MAEL: variants seen among roughly 807,000 people sequenced by gnomAD.
MAEL encodes the protein maelstrom spermatogenic transposon silencer, also known as protein maelstrom homolog.
Under a neutral mutation model 62.0 loss-of-function variants are expected in MAEL, and 46 were observed. The observed-to-expected ratio is 0.74, with a 90% CI of 0.59 to 0.95. MAEL has a LOEUF of 0.95. Among genes scored for constraint, MAEL ranks in the 40% least tolerant of loss-of-function variants. The pLI is 0.00. For missense variants in MAEL, 497 were observed against 526.8 expected, an observed-to-expected ratio of 0.94 and a Z score of 0.55; for synonymous variants, 172 against 175.5, an observed-to-expected ratio of 0.98 and a Z score of 0.16.
At chr1:166,981,880 GA>G (rs1663769675) in intron 1 of MAEL, among the ~76,000 whole-genome samples, 1 of 152,188 alleles carries the variant, frequency 6.6e-6, no homozygotes, top group African/African-American at 2.4e-5. Context: ...CCATCCATGA[GA>G]ATTTCTAAGT....
At chr1:166,980,043 G>T (rs1253726903) in intron 1 of MAEL, among the ~76,000 whole-genome samples, 1 of 151,940 alleles carries the variant, frequency 6.6e-6, no homozygotes, top group African/African-American at 2.4e-5. Flanking sequence ...TAGAGACAGG[G>T]TCTGACTCTG....
At chr1:166,979,406 C>T (rs1441982318) in intron 1 of MAEL, among the ~76,000 whole-genome samples, 2 of 150,530 alleles carry the variant, frequency 1.3e-5, no homozygotes, top group Non-Finnish European at 3.0e-5. Context: ...AAAACTGGAA[C>T]CCAGAAAACC....
chr1:166,979,047 G>A (rs1006819345), intron 1 of MAEL, among the ~76,000 whole-genome samples: 1 of 152,158 alleles, frequency 6.6e-6, no homozygotes, highest in African/African-American at 2.4e-5. Context: ...ACTGGTAGCT[G>A]GTAGCAACCA....
chr1:167,016,413 G>T (rs1436508838), intron 9 of MAEL, 129 bp downstream of exon 9: 3 of 793,944 alleles, frequency 3.8e-6, no homozygotes, highest in African/African-American at 1.7e-5. Context: ...AACAAAGGGG[G>T]TCAAATCAAA....
In MAEL at chr1:167,004,179, G is replaced by A. The variant is rs1206924965; in HGVS notation, c.524-1G>A. On this transcript the variant is annotated splice_acceptor_variant, in intron 5 of 11. Coordinates refer to ENST00000367872, the MANE Select transcript of MAEL (RefSeq NM_032858.3). LOFTEE classifies it high-confidence loss of function. ...GAACTTCTCCTTTTTATTTCCCTCA[G>A]GTGATTCTAGTCACAAGATTCCTAT... The A allele has an allele frequency of 2.5e-6, 4 of 1,604,592 alleles. No individual in the cohort carries two copies. Among genetic ancestry groups the A allele is most frequent in the Non-Finnish European group, 2.6e-6 (3 of 1,176,374 alleles).
chr1:166,997,495 CTCTT>C (rs1319540300), intron 5 of MAEL, among the ~76,000 whole-genome samples: 4 of 152,050 alleles, frequency 2.6e-5, no homozygotes, highest in Non-Finnish European at 5.9e-5. Context: ...ATTTTTTACT[CTCTT>C]TATGGTGTCT....
chr1:166,975,687 G>C (rs1663550698), intron 1 of MAEL: 1 of 151,946 alleles, frequency 6.6e-6, no homozygotes, highest in Non-Finnish European at 1.5e-5. Context: ...AGTGATTGAG[G>C]CCACGCGGAG....
At chr1:166,989,184 TC>T, upstream of MAEL, 2 of 912,138 alleles carry the variant, frequency 2.2e-6, no homozygotes, top group Non-Finnish European at 3.2e-6. Context: ...TCTTCCAGTC[TC>T]AGGCTGTTTG....
chr1:166,978,498 A>G (rs1005553833), intron 1 of MAEL, among the ~76,000 whole-genome samples: 1 of 152,300 alleles, frequency 6.6e-6, no homozygotes, highest in Non-Finnish European at 1.5e-5. Flanking sequence ...TATGGCACCC[A>G]GAGTCCCAAT....
intron 8 of MAEL, among the ~76,000 whole-genome samples, chr1:167,015,433 T>C (rs1665351039): frequency 6.6e-6 from 1 of 152,260 alleles, no homozygotes; most frequent in East Asian, 1.9e-4. Flanking sequence ...CACTGTTTAG[T>C]GTGTTTATAA....
At chr1:167,000,306 G>A (rs1664606376) in intron 5 of MAEL, among the ~76,000 whole-genome samples, 1 of 152,180 alleles carries the variant, frequency 6.6e-6, no homozygotes, top group African/African-American at 2.4e-5. Context: ...TTGTTTGCAA[G>A]GATTAGATTC....
chr1:167,020,217 C>T (rs1665566840), intron 10 of MAEL, among the ~76,000 whole-genome samples: 1 of 152,128 alleles, frequency 6.6e-6, no homozygotes, highest in South Asian at 2.1e-4. Flanking sequence ...ACCTTTGTCT[C>T]TACTCTTCAC....
At chr1:167,018,757 T>G (rs549900632) in intron 10 of MAEL, among the ~76,000 whole-genome samples, 27 of 152,318 alleles carry the variant, frequency 1.8e-4, no homozygotes, top group African/African-American at 5.5e-4. Flanking sequence ...ATTACGTACT[T>G]TAGAATATAC....
intron 5 of MAEL, among the ~76,000 whole-genome samples, chr1:166,994,341 G>C (rs1421970333): frequency 6.6e-6 from 1 of 152,080 alleles, no homozygotes; most frequent in African/African-American, 2.4e-5. Context: ...TGGGTACTTA[G>C]GAAAACCTTT....
chr1:166,985,737 CAG>C (rs1255043188), upstream of MAEL, among the ~76,000 whole-genome samples: 1 of 152,144 alleles, frequency 6.6e-6, no homozygotes, highest in Non-Finnish European at 1.5e-5. Context: ...CAGCATTAAA[CAG>C]GGTAAAATTT....
chr1:167,005,282 A>G lies in MAEL; in HGVS notation c.730A>G (p.Thr244Ala). The G allele has an allele frequency of 6.2e-7, 1 of 1,612,912 alleles. No homozygotes were observed. Among genetic ancestry groups the G allele is most frequent in the Non-Finnish European group, 8.5e-7 (1 of 1,179,506 alleles). Residue 244 changes from threonine to alanine, a missense_variant, in exon 8 of 12, where the codon ACT (threonine) becomes GCT (alanine). By Grantham distance (58) the Thr-to-Ala change is moderately conservative. Transcript: ENST00000367872. The stretch of plus-strand genomic sequence containing the variant: ...AATCAGGCAAGATCTACAACTTCTC[A>G]CTGTAGAGGACCTTGTAGTGGGGAT... The part of the protein sequence containing the change: ...SEIRQDLQLL[T>A]VEDLVVGIYQ...
intron 5 of MAEL, among the ~76,000 whole-genome samples, chr1:166,997,009 G>A (rs374269780): frequency 1.3e-3 from 205 of 152,246 alleles, no homozygotes; most frequent in African/African-American, 4.8e-3. Context: ...TGTATCTTTA[G>A]TAGAGACAGG....
intron 5 of MAEL, among the ~76,000 whole-genome samples, chr1:167,001,689 T>A (rs1664676216): frequency 6.6e-6 from 1 of 152,206 alleles, no homozygotes; most frequent in Non-Finnish European, 1.5e-5. Context: ...CAAGATATGT[T>A]TATATTCCCT....
upstream of MAEL, chr1:166,989,103 C>T (rs2102065361): frequency 2.0e-6 from 1 of 508,866 alleles, no homozygotes; most frequent in Non-Finnish European, 3.5e-6. Context: ...ACGCACCCAG[C>T]CAATCAGAGC....
Sources: gnomAD v4.1 joint callset for allele counts (sites outside exome capture counted in the v4.1 genomes callset) on GRCh38, gnomAD v4.1.1 for gene constraint, MANE v1.5 for transcripts, NCBI Gene and HGNC (gene_info 2026-07-23, HGNC 2026-07-21) for gene names.